Variants in CEP68 observed in about 807,000 individuals in gnomAD.
CEP68 encodes centrosomal protein of 68 kDa.
CEP68 carries 26 observed loss-of-function variants against 55.3 expected under a neutral mutation model. The ratio of observed to expected loss-of-function variants is 0.47; its 90% CI spans 0.34 to 0.65. The LOEUF (loss-of-function observed/expected upper bound fraction) is 0.65, where lower values mean the gene tolerates loss of function less well. Ranked by LOEUF, CEP68 falls within the 30% of genes least tolerant of loss-of-function variation. The pLI, the probability that CEP68 is intolerant of heterozygous loss-of-function variation, is 0.01. For synonymous variants in CEP68, 402 were observed against 383.2 expected (o/e 1.05, Z -0.57); for missense variants, 957 against 946.7 (o/e 1.01, Z -0.14).
chr2:65,057,849 T>A (rs1162225440), intron 1 of CEP68, among the ~76,000 whole-genome samples: 2 of 152,030 alleles, frequency 1.3e-5, no homozygotes, highest in Non-Finnish European at 2.9e-5. Context: ...GTGATGGGGG[T>A]CTTGCCATGT....
In CEP68 at chr2:65,071,444, A is replaced by T. The variant is rs758311433; in HGVS notation, c.358-10A>T. Reference sequence around the variant, plus strand: ...TACCCAAGTGCTTTTTGTCCCTTTGATCATTGCAGGTGGAGAAGACCAAGC... The same window carrying T: ...TACCCAAGTGCTTTTTGTCCCTTTGTTCATTGCAGGTGGAGAAGACCAAGC... On this transcript the variant is annotated splice_polypyrimidine_tract_variant and intron_variant, in intron 2 of 6. Coordinates refer to ENST00000377990, the MANE Select transcript of CEP68 (RefSeq NM_015147.3). 4 of 1,608,756 alleles carry T rather than the reference A, an allele frequency of 2.5e-6. No individual in the cohort carries two copies. Among genetic ancestry groups the T allele is most frequent in the Non-Finnish European group, 3.4e-6 (4 of 1,176,246 alleles).
intron 1 of CEP68, among the ~76,000 whole-genome samples, chr2:65,069,041 G>A (rs1676331594): frequency 6.6e-6 from 1 of 152,156 alleles, no homozygotes; most frequent in Non-Finnish European, 1.5e-5. Context: ...TGCACAGGAA[G>A]GGTCCCACCA....
At chr2:65,077,065 G>A (rs904191618) in intron 4 of CEP68, among the ~76,000 whole-genome samples, 7 of 132,236 alleles carry the variant, frequency 5.3e-5, no homozygotes, top group African/African-American at 1.8e-4. Flanking sequence ...GTGTGATCTC[G>A]GCTCACTGCA....
At chr2:65,062,573 T>C (rs1229454442) in intron 1 of CEP68, among the ~76,000 whole-genome samples, 1 of 142,286 alleles carries the variant, frequency 7.0e-6, no homozygotes, top group Non-Finnish European at 1.5e-5. Context: ...TGATGGCTTA[T>C]ATCTGTAAAC....
chr2:65,063,336 ACTGT>A (rs1676001530), intron 1 of CEP68, among the ~76,000 whole-genome samples: 1 of 152,180 alleles, frequency 6.6e-6, no homozygotes, highest in Non-Finnish European at 1.5e-5. Flanking sequence ...GGTTGAGTTC[ACTGT>A]CTGTGCTCTG....
At chr2:65,066,745 A>AAAAATAT (rs70943620) in intron 1 of CEP68, among the ~76,000 whole-genome samples, 405 of 58,236 alleles carry the variant, frequency 7.0e-3, no homozygotes, top group Middle Eastern at 0.017. Flanking sequence ...AAAAAAAAAA[A>AAAAATAT]ATATATATAT....
intron 5 of CEP68, among the ~76,000 whole-genome samples, chr2:65,078,384 G>A (rs149237619): frequency 6.3e-4 from 96 of 152,230 alleles, no homozygotes; most frequent in Non-Finnish European, 1.3e-3. Context: ...TCTGCCTTGT[G>A]TCCTGCTTTG....
chr2:65,081,211 CAA>C (rs3052193), intron 5 of CEP68, among the ~76,000 whole-genome samples: 125,304 of 142,956 alleles, frequency 0.88, 54,725 homozygotes, highest in East Asian at 0.98. Context: ...GACTCCATCT[CAA>C]AAAAAAAAAA....
intron 5 of CEP68, chr2:65,080,174 C>A: frequency 3.2e-6 from 3 of 934,760 alleles, no homozygotes; most frequent in Non-Finnish European, 2.5e-6. Flanking sequence ...GGTTTTTTGA[C>A]CTTCATTTTA....
At chr2:65,062,000 T>C (rs1198239527) in intron 1 of CEP68, among the ~76,000 whole-genome samples, 1 of 152,254 alleles carries the variant, frequency 6.6e-6, no homozygotes, top group Non-Finnish European at 1.5e-5. Flanking sequence ...TCTTTGGTTC[T>C]CTGGGCAGGT....
At chr2:65,065,788 G>C (rs1676134361) in intron 1 of CEP68, among the ~76,000 whole-genome samples, 1 of 151,902 alleles carries the variant, frequency 6.6e-6, no homozygotes. Flanking sequence ...GGCCAACATG[G>C]TGAAACCCCA....
chr2:65,065,424 T>C (rs1676118685), intron 1 of CEP68, among the ~76,000 whole-genome samples: 1 of 152,238 alleles, frequency 6.6e-6, no homozygotes, highest in South Asian at 2.1e-4. Context: ...AAGAGGAAGC[T>C]GTCTTTGTAC....
At chr2:65,074,874 C>G (rs895043203) in intron 4 of CEP68, 1 of 241,888 alleles carries the variant, frequency 4.1e-6, no homozygotes, top group Admixed American at 5.2e-5. Flanking sequence ...CAGACTTGCA[C>G]TATTATGACG....
chr2:65,072,522 G>A lies in CEP68; in HGVS notation c.1426G>A (p.Val476Met). 2 of 1,614,148 alleles carry A rather than the reference G, an allele frequency of 1.2e-6. No individual in the cohort carries two copies. The highest frequency in any genetic ancestry group is 2.2e-5 in the South Asian group (2 of 91,082). Reference protein sequence around the residue: ...TESRWKSEEEVESDDEYLALP... With the variant: ...TESRWKSEEEMESDDEYLALP... ...GTCTAGGTGGAAATCAGAAGAGGAA[G>A]TGGAAAGTGATGACGAGTATCTTGC... Residue 476 changes from valine (V) to methionine (M), a missense_variant, in exon 3 of 7, where the codon GTG becomes ATG. Physicochemically the swap from Val to Met is conservative, Grantham distance 21 (BLOSUM62 1). Transcript: ENST00000377990.
In CEP68 at chr2:65,082,670, A is replaced by C. The variant is rs918838217; in HGVS notation, c.2239A>C (p.Met747Leu). The C allele has an allele frequency of 3.7e-6, 6 of 1,605,694 alleles. No individual in the cohort carries two copies. The highest frequency in any genetic ancestry group is 5.1e-6 in the Non-Finnish European group (6 of 1,177,700). ...CACCCTTATCCCTGACAAAAAGCCC[A>C]TGGCGGCAATGGAGCACCCATGTGA... ...GCTLIPDKKPMAAMEHPCEGV is the reference protein window; with the variant it reads ...GCTLIPDKKPLAAMEHPCEGV Residue 747 changes from methionine to leucine, a missense_variant, in exon 6 of 7, where the codon ATG becomes CTG. Physicochemically the swap from Met to Leu is conservative, Grantham distance 15. Coordinates refer to ENST00000377990, the MANE Select transcript of CEP68 (RefSeq NM_015147.3).
chr2:65,085,028 GA>G lies in CEP68; in HGVS notation c.*1395del, dbSNP rs1668987253. ...AAACCTAGAGTTGGTTAAAAAGGTA[GA>G]GATGTCTGACGGCCTCTTCTTAAAT... On this transcript the variant is annotated 3_prime_UTR_variant, in exon 7 of 7. Transcript: ENST00000377990. The G allele has an allele frequency of 6.6e-6, 1 of 152,190 alleles. No homozygotes were observed. The highest frequency in any genetic ancestry group is 1.5e-5 in the Non-Finnish European group (1 of 68,030). The allele number at this position is 152,190 out of a possible 1,614,324, so 9.4% of individuals were successfully genotyped here. A position where few individuals can be genotyped will look rare whatever the true frequency, so the allele number is the denominator to read the frequency against.
At chr2:65,077,002 T>TACC (rs1334043447) in intron 4 of CEP68, among the ~76,000 whole-genome samples, 2 of 47,602 alleles carry the variant, frequency 4.2e-5, no homozygotes, top group African/African-American at 1.0e-4. Flanking sequence ...TACCTTTTTT[T>TACC]TTTTTTTTTT....
chr2:65,060,943 G>A (rs1416958951), intron 1 of CEP68, among the ~76,000 whole-genome samples: 3 of 152,192 alleles, frequency 2.0e-5, no homozygotes, highest in African/African-American at 7.2e-5. Flanking sequence ...TTGGGAGGCC[G>A]AGGCAGGAGG....
rs1676486047 is a variant in CEP68, at chr2:65,071,932, C to T, written c.836C>T (p.Pro279Leu). Residue 279 changes from proline to leucine, a missense_variant, in exon 3 of 7, where the codon CCA (proline) becomes CTA (leucine). By Grantham distance (98) the Pro-to-Leu change is moderately conservative. Transcript: ENST00000377990. The part of the protein sequence containing the change: ...FQAEYWACVL[P>L]DSLPPSPDRH... ...GCTGAGTACTGGGCCTGTGTGCTGC[C>T]AGATTCCCTGCCTCCATCACCCGAC... is the stretch of plus-strand genomic sequence containing the variant. 6.2e-7 allele frequency: 1 copy of T among 1,613,174 alleles called. No individual in the cohort carries two copies.
Sources: gnomAD v4.1 joint callset for allele counts (sites outside exome capture counted in the v4.1 genomes callset) on GRCh38, gnomAD v4.1.1 for gene constraint, MANE v1.5 for transcripts, NCBI Gene and HGNC (gene_info 2026-07-23, HGNC 2026-07-21) for gene names.